Variants in TMEM276 observed in about 807,000 individuals in gnomAD.
The protein encoded by TMEM276 is transmembrane protein 276.
the TMEM276 span, chr8:144,464,973 G>A: frequency 3.8e-6 from 6 of 1,570,126 alleles, no homozygotes; most frequent in East Asian, 4.6e-5. Context: ...AGGAAGCGCA[G>A]AAGCCAGCGA....
chr8:144,465,198 G>C, the TMEM276 span: 1 of 1,290,784 alleles, frequency 7.7e-7, no homozygotes, highest in Non-Finnish European at 1.0e-6. Context: ...GCCCAAGTGG[G>C]AGTGCGGGCC....
the TMEM276 span, chr8:144,466,471 A>G: frequency 7.4e-7 from 1 of 1,349,022 alleles, no homozygotes; most frequent in Non-Finnish European, 9.6e-7. Context: ...CCTCTTCCGC[A>G]GGGATGGTGG....
chr8:144,465,326 T>TC, the TMEM276 span: 543,760 of 1,097,602 alleles, frequency 0.5, 137,321 homozygotes, highest in Middle Eastern at 0.59. Flanking sequence ...GGCGCAGGAC[T>TC]CCGGGAGGCC....
chr8:144,466,535 G>C, the TMEM276 span: 1 of 1,186,280 alleles, frequency 8.4e-7, no homozygotes, highest in Non-Finnish European at 1.1e-6. Flanking sequence ...GGGGCTGGCC[G>C]TGCAGCCCGT....
At chr8:144,465,463 A>C in the TMEM276 span, 18 of 993,556 alleles carry the variant, frequency 1.8e-5, no homozygotes, top group Non-Finnish European at 2.2e-5. Context: ...TGCGGGAGCG[A>C]GCGCGGTCGG....
chr8:144,464,104 C>G, the TMEM276 span: 4 of 1,591,910 alleles, frequency 2.5e-6, no homozygotes, highest in Non-Finnish European at 3.4e-6. Flanking sequence ...AGGGCAGAAA[C>G]CCTGCCTGGC....
the TMEM276 span, chr8:144,466,518 G>T: frequency 7.9e-7 from 1 of 1,271,648 alleles, no homozygotes; most frequent in Non-Finnish European, 1.0e-6. Flanking sequence ...ACCCCGCCCA[G>T]GTGAGCGGGG....
At chr8:144,466,872 G>C in the TMEM276 span, 2 of 1,536,702 alleles carry the variant, frequency 1.3e-6, no homozygotes, top group Non-Finnish European at 1.7e-6. Flanking sequence ...CGGTGCGAGG[G>C]CGGTGCCGGG....
chr8:144,464,480 G>A, the TMEM276 span: 2 of 1,612,402 alleles, frequency 1.2e-6, no homozygotes, highest in Non-Finnish European at 8.5e-7. Context: ...TCGAAGGCCA[G>A]AAGGGGAAGG....
the TMEM276 span, chr8:144,464,433 G>A: frequency 6.2e-7 from 1 of 1,612,310 alleles, no homozygotes; most frequent in Non-Finnish European, 8.5e-7. Flanking sequence ...CCAGGAGCAG[G>A]TTGGCAGAGG....
At chr8:144,466,378 C>A in the TMEM276 span, 2 of 877,182 alleles carry the variant, frequency 2.3e-6, no homozygotes, top group South Asian at 4.0e-5. Context: ...CGCGGGGACG[C>A]GGGGCGGCGC....
At chr8:144,466,593 G>C in the TMEM276 span, 4 of 903,800 alleles carry the variant, frequency 4.4e-6, no homozygotes, top group Non-Finnish European at 5.8e-6. Context: ...CCCGGGGCGG[G>C]GGCGGGCACG....
chr8:144,464,629 G>T, the TMEM276 span: 5 of 1,593,632 alleles, frequency 3.1e-6, no homozygotes, highest in African/African-American at 4.0e-5. Context: ...ACACAGGGAA[G>T]GGAGAACACG....
the TMEM276 span, chr8:144,466,483 G>C: frequency 7.6e-7 from 1 of 1,320,990 alleles, no homozygotes; most frequent in Non-Finnish European, 9.7e-7. Context: ...GGATGGTGGC[G>C]CCGCGGCGGC....
the TMEM276 span, chr8:144,464,124 C>T: frequency 2.5e-6 from 4 of 1,605,374 alleles, no homozygotes; most frequent in Non-Finnish European, 3.4e-6. Context: ...CTGTATCCAA[C>T]TGTCACTCCC....
At chr8:144,464,384 C>A in the TMEM276 span, 3 of 1,609,454 alleles carry the variant, frequency 1.9e-6, no homozygotes, top group Non-Finnish European at 2.5e-6. Context: ...CCCTCAGGGC[C>A]GAGGTGGCCG....
At chr8:144,466,367 G>C in the TMEM276 span, 1 of 762,490 alleles carries the variant, frequency 1.3e-6, no homozygotes, top group Admixed American at 5.0e-5. Context: ...CCGAGTCTGG[G>C]CGCGGGGACG....
the TMEM276 span, chr8:144,466,598 G>A: frequency 1.1e-6 from 1 of 909,280 alleles, no homozygotes; most frequent in Non-Finnish European, 1.4e-6. Flanking sequence ...GGCGGGGGCG[G>A]GCACGGGGCG....
chr8:144,464,891 T>A, the TMEM276 span: 1 of 1,612,034 alleles, frequency 6.2e-7, no homozygotes, highest in East Asian at 2.2e-5. Flanking sequence ...GGCCCCCGGC[T>A]TGGGGGCCAT....
Sources: gnomAD v4.1 joint callset for allele counts on GRCh38, gnomAD v4.1.1 for gene constraint, MANE v1.5 for transcripts, NCBI Gene and HGNC (gene_info 2026-07-23, HGNC 2026-07-21) for gene names.